Variants in FAAH2 observed in about 807,000 individuals in gnomAD.
The protein encoded by FAAH2 is fatty-acid amide hydrolase 2.
FAAH2 carries 60 observed loss-of-function variants against 36.9 expected under a neutral mutation model. That is an observed-to-expected ratio of 1.63 (90% confidence interval 1.32 to 2.02). The LOEUF (loss-of-function observed/expected upper bound fraction) is 2.02, where lower values mean the gene tolerates loss of function less well. Among genes scored for constraint, FAAH2 ranks in the 30% most tolerant of loss-of-function variants. FAAH2 has a pLI of 0.00. For synonymous variants in FAAH2, 214 were observed against 143.8 expected (o/e 1.49, Z -3.49); for missense variants, 689 against 397.5 (o/e 1.73, Z -6.23).
intron 2 of FAAH2, among the ~76,000 whole-genome samples, chrX:57,308,152 T>C (rs2052595622): frequency 1.8e-5 from 2 of 111,906 alleles, no homozygotes; most frequent in Admixed American, 1.9e-4. Context: ...CTTTTGGGTA[T>C]ATACCCAGTA....
At chrX:57,479,915 A>C (rs1414385185) in intron 10 of FAAH2, among the ~76,000 whole-genome samples, 2 of 111,870 alleles carry the variant, frequency 1.8e-5, no homozygotes, top group Non-Finnish European at 3.8e-5. Flanking sequence ...CGCAATAAAA[A>C]ATGATAAAGG....
At chrX:57,420,937 T>A (rs756076295) in intron 7 of FAAH2, among the ~76,000 whole-genome samples, 1 of 112,318 alleles carries the variant, frequency 8.9e-6, no homozygotes, top group Non-Finnish European at 1.9e-5. Flanking sequence ...TGAAGGGTTG[T>A]TGAATTTTGT....
intron 7 of FAAH2, among the ~76,000 whole-genome samples, chrX:57,382,832 C>T (rs953724387): frequency 1.8e-5 from 2 of 111,334 alleles, no homozygotes; most frequent in African/African-American, 6.5e-5. Flanking sequence ...TTTATGAGGC[C>T]AGCATCATCC....
chrX:57,370,549 A>C (rs746201288), intron 5 of FAAH2, among the ~76,000 whole-genome samples: 32 of 111,774 alleles, frequency 2.9e-4, no homozygotes, highest in Non-Finnish European at 5.1e-4. Context: ...ACTTTCAGCA[A>C]TGAAATGATT....
At chrX:57,148,243 A>ATG in the FAAH2 span, among the ~76,000 whole-genome samples, 92 of 111,557 alleles carry the variant, frequency 8.2e-4, no homozygotes, top group African/African-American at 2.5e-3. Context: ...TTGGTGATGC[A>ATG]GGCTCTTTTT....
the FAAH2 span, among the ~76,000 whole-genome samples, chrX:57,196,116 G>GT: frequency 8.9e-6 from 1 of 111,775 alleles, no homozygotes; most frequent in Non-Finnish European, 1.9e-5. Context: ...TTTTAGCATA[G>GT]TTTTTTCTAG....
At chrX:57,224,764 G>A in the FAAH2 span, among the ~76,000 whole-genome samples, 2 of 112,282 alleles carry the variant, frequency 1.8e-5, no homozygotes, top group East Asian at 2.8e-4. Context: ...GCCTCAGCCC[G>A]CCTGCACCCA....
At chrX:57,271,184 G>A in the FAAH2 span, among the ~76,000 whole-genome samples, 2 of 112,571 alleles carry the variant, frequency 1.8e-5, no homozygotes, top group East Asian at 5.6e-4. Context: ...TTGAATAAGC[G>A]GTTTTATGAT....
At chrX:57,416,693 C>T (rs907293109) in intron 7 of FAAH2, among the ~76,000 whole-genome samples, 11 of 111,327 alleles carry the variant, frequency 9.9e-5, no homozygotes, top group African/African-American at 2.3e-4. Flanking sequence ...GTGAATCTGA[C>T]GATTATGTGT....
the FAAH2 span, among the ~76,000 whole-genome samples, chrX:57,145,046 C>A: frequency 9.0e-6 from 1 of 111,116 alleles, no homozygotes; most frequent in African/African-American, 3.3e-5. Context: ...GTGCAGATAT[C>A]TTTTTTGTAT....
At chrX:57,482,577 C>G (rs1438428972) in intron 10 of FAAH2, among the ~76,000 whole-genome samples, 2 of 110,286 alleles carry the variant, frequency 1.8e-5, no homozygotes, top group Non-Finnish European at 3.8e-5. Context: ...GACCCACTGC[C>G]TAACCAGTCC....
chrX:57,275,963 C>G, the FAAH2 span, among the ~76,000 whole-genome samples: 2 of 111,406 alleles, frequency 1.8e-5, no homozygotes, highest in African/African-American at 3.3e-5. Context: ...GACTCCCACA[C>G]AATAATAATG....
intron 5 of FAAH2, among the ~76,000 whole-genome samples, chrX:57,352,097 TATATATATATGTGTATATATATGCAC>T (rs1285432288): frequency 9.9e-4 from 1 of 1,014 alleles, no homozygotes; most frequent in African/African-American, 1.3e-3. Flanking sequence ...TATATGCACA[TATATATATATGTGTATATATATGCAC>T]ATATATATAT....
At chrX:57,222,985 G>A in the FAAH2 span, among the ~76,000 whole-genome samples, 4 of 111,778 alleles carry the variant, frequency 3.6e-5, no homozygotes, top group Non-Finnish European at 7.5e-5. Context: ...AGCTGAACTC[G>A]TCGCTCTTCC....
chrX:57,178,264 C>T, the FAAH2 span, among the ~76,000 whole-genome samples: 1 of 112,336 alleles, frequency 8.9e-6, no homozygotes, highest in South Asian at 3.7e-4. Context: ...GACTCAAGAT[C>T]TCTTGCTTAG....
intron 5 of FAAH2, among the ~76,000 whole-genome samples, chrX:57,349,016 A>C (rs1245211952): frequency 9.7e-6 from 1 of 102,911 alleles, no homozygotes; most frequent in African/African-American, 3.5e-5. Context: ...TCTGAATACC[A>C]ATACAAAGAA....
intron 9 of FAAH2, among the ~76,000 whole-genome samples, chrX:57,447,258 A>G (rs2056694533): frequency 9.0e-6 from 1 of 111,384 alleles, no homozygotes; most frequent in Non-Finnish European, 1.9e-5. Flanking sequence ...CTCCACCCCT[A>G]TGGCTTTCCA....
At chrX:57,172,967 G>A in the FAAH2 span, among the ~76,000 whole-genome samples, 14 of 111,840 alleles carry the variant, frequency 1.3e-4, no homozygotes, top group African/African-American at 4.2e-4. Context: ...GTAGTCTTGG[G>A]AAATGCTACA....
the FAAH2 span, among the ~76,000 whole-genome samples, chrX:57,274,659 T>C: frequency 8.9e-6 from 1 of 111,783 alleles, no homozygotes; most frequent in African/African-American, 3.3e-5. Flanking sequence ...AAAAACCACA[T>C]GATTATCTCA....
Sources: allele counts gnomAD v4.1 joint callset (sites outside exome capture counted in the v4.1 genomes callset), GRCh38; gene constraint gnomAD v4.1.1; transcripts MANE v1.5; gene names NCBI Gene and HGNC (gene_info 2026-07-23, HGNC 2026-07-21).